AKAP6: variants seen among roughly 807,000 people sequenced by gnomAD.
The protein encoded by AKAP6 is A-kinase anchoring protein 6.
Under a neutral mutation model 188.5 loss-of-function variants are expected in AKAP6, and 58 were observed. The observed-to-expected ratio is 0.31, with a 90% CI of 0.25 to 0.38. The LOEUF (loss-of-function observed/expected upper bound fraction) is 0.38. Among genes scored for constraint, AKAP6 ranks in the 10% least tolerant of loss-of-function variants. AKAP6 has a pLI of 1.00. For missense variants in AKAP6, 2,710 were observed against 2,740.0 expected, an observed-to-expected ratio of 0.99 and a Z score of 0.24; for synonymous variants, 989 against 998.6, an observed-to-expected ratio of 0.99 and a Z score of 0.18.
At chr14:32,497,470 A>C (rs1880378501) in intron 2 of AKAP6, among the ~76,000 whole-genome samples, 1 of 152,134 alleles carries the variant, frequency 6.6e-6, no homozygotes, top group Admixed American at 6.6e-5. Flanking sequence ...CATACTTTTT[A>C]TAAGTTGAAT....
At chr14:32,380,289 C>T (rs1435327016) in intron 1 of AKAP6, among the ~76,000 whole-genome samples, 1 of 152,120 alleles carries the variant, frequency 6.6e-6, no homozygotes, top group Non-Finnish European at 1.5e-5. Context: ...TTTCTGAGTT[C>T]CCACCGGCCC....
intron 2 of AKAP6, among the ~76,000 whole-genome samples, chr14:32,504,994 A>C (rs1880798509): frequency 6.6e-6 from 1 of 152,212 alleles, no homozygotes; most frequent in Admixed American, 6.5e-5. Flanking sequence ...ATTTTGGCTC[A>C]CATTTCATTG....
chr14:32,467,963 C>T (rs187359596), intron 2 of AKAP6, among the ~76,000 whole-genome samples: 2 of 152,104 alleles, frequency 1.3e-5, no homozygotes, highest in African/African-American at 4.8e-5. Flanking sequence ...TAGTCTTTGT[C>T]ATCAAGGGAC....
At chr14:32,779,202 C>T (rs546674483) in intron 12 of AKAP6, among the ~76,000 whole-genome samples, 3 of 151,906 alleles carry the variant, frequency 2.0e-5, no homozygotes, top group South Asian at 2.1e-4. Flanking sequence ...TTGAGACCAG[C>T]CTGGGCAACA....
At chr14:32,507,808 C>T (rs1880957792) in intron 2 of AKAP6, among the ~76,000 whole-genome samples, 1 of 152,186 alleles carries the variant, frequency 6.6e-6, no homozygotes, top group South Asian at 2.1e-4. Context: ...ATGCAAGCAA[C>T]AGCAATGCCA....
chr14:32,462,901 C>CAAAA (rs71143943), intron 2 of AKAP6, among the ~76,000 whole-genome samples: 260 of 8,778 alleles, frequency 0.03, 2 homozygotes, highest in Middle Eastern at 0.2. Context: ...AAATGGAAAG[C>CAAAA]AAAAAAAAAA....
rs150914639 is a variant in AKAP6 at position 32,434,619 on chromosome 14, T to C, written c.324+802T>C. ...CACAAACCCCATGGTAAATTTCTAG[T>C]CAATTAGAAGTAACACTAAGGAAAC... On this transcript the variant is annotated intron_variant, in intron 2 of 13. Transcript: ENST00000280979. Among the ~76,000 whole-genome samples the C allele has an allele frequency of 1.3e-3, 191 of 152,290 alleles. 3 individuals are homozygous for C. Among genetic ancestry groups the C allele is most frequent in the Admixed American group, 9.6e-3 (147 of 15,292 alleles).
At chr14:32,623,900 T>C (rs1018033493) in intron 7 of AKAP6, among the ~76,000 whole-genome samples, 1 of 152,108 alleles carries the variant, frequency 6.6e-6, no homozygotes. Flanking sequence ...CATCATCTGC[T>C]CATGGAAGCA....
intron 7 of AKAP6, among the ~76,000 whole-genome samples, chr14:32,608,991 A>C (rs1400612924): frequency 6.6e-6 from 1 of 152,210 alleles, no homozygotes; most frequent in Non-Finnish European, 1.5e-5. Context: ...GAAAGTGTGA[A>C]ACAATTACCT....
chr14:32,827,403 C>A (rs2034701992), intron 13 of AKAP6, among the ~76,000 whole-genome samples: 1 of 151,358 alleles, frequency 6.6e-6, no homozygotes. Context: ...ATTATAATGC[C>A]ACCCAGAAGA....
intron 4 of AKAP6, among the ~76,000 whole-genome samples, chr14:32,555,201 T>C (rs1883637123): frequency 6.6e-6 from 1 of 152,244 alleles, no homozygotes; most frequent in African/African-American, 2.4e-5. Flanking sequence ...CAATCAAGTA[T>C]GCTCCCAGTT....
intron 12 of AKAP6, among the ~76,000 whole-genome samples, chr14:32,791,225 C>A (rs137902384): frequency 0.031 from 4,689 of 152,266 alleles, 135 homozygotes; most frequent in Admixed American, 0.077. Context: ...CTAATTTACA[C>A]TCCCACCAAC....
At chr14:32,352,443 T>C (rs1254476684) in intron 1 of AKAP6, among the ~76,000 whole-genome samples, 1 of 152,136 alleles carries the variant, frequency 6.6e-6, no homozygotes, top group African/African-American at 2.4e-5. Context: ...CTTCTAGTTA[T>C]TATGAGATAT....
At chr14:32,667,955 G>A (rs1263721945) in intron 7 of AKAP6, among the ~76,000 whole-genome samples, 2 of 152,098 alleles carry the variant, frequency 1.3e-5, no homozygotes, top group Non-Finnish European at 2.9e-5. Flanking sequence ...GGAAGTGCCA[G>A]TTCTACAGGG....
intron 1 of AKAP6, among the ~76,000 whole-genome samples, chr14:32,376,854 G>C (rs1888172790): frequency 6.6e-6 from 1 of 152,064 alleles, no homozygotes; most frequent in African/African-American, 2.4e-5. Context: ...CCACCATCAT[G>C]ACTGACAAAT....
chr14:32,690,480 A>T lies in AKAP6; in HGVS notation c.2880-5510A>T, dbSNP rs143815661. Reference sequence around the variant, plus strand: ...AAACTATGCTGGCCTCACAAGTAATATATTACCATCAAATCTGCAGAAAAA... The same window carrying T: ...AAACTATGCTGGCCTCACAAGTAATTTATTACCATCAAATCTGCAGAAAAA... On this transcript the variant is annotated intron_variant, in intron 8 of 13. Coordinates refer to ENST00000280979, the MANE Select transcript of AKAP6 (RefSeq NM_004274.5). Among the ~76,000 whole-genome samples the T allele has an allele frequency of 4.8e-3, 737 of 152,268 alleles. 18 individuals are homozygous for T. Among genetic ancestry groups the T allele is most frequent in the Admixed American group, 0.044 (669 of 15,288 alleles).
intron 1 of AKAP6, among the ~76,000 whole-genome samples, chr14:32,415,351 C>T (rs1889621932): frequency 6.6e-6 from 1 of 152,020 alleles, no homozygotes; most frequent in Non-Finnish European, 1.5e-5. Context: ...TAGGTTGTAT[C>T]CGGAATTGTT....
In AKAP6 at chr14:32,365,356, C is replaced by T. The variant is rs537726266; in HGVS notation, c.-35+35948C>T. On this transcript the variant is annotated intron_variant, in intron 1 of 13. Transcript: ENST00000280979. ...CACACTGTGTCTTTATGCTGGGTCT[C>T]TCCCTTTTGTACAGCATTGGCAGGA... is the stretch of plus-strand genomic sequence containing the variant. 7.3e-5 allele frequency among the ~76,000 whole-genome samples: 11 copies of T among 149,942 alleles called. No individual in the cohort carries two copies. In the South Asian group the frequency reaches 1.7e-3, roughly 23 times the overall value.
At chr14:32,565,649 ACT>A (rs1465201781) in intron 4 of AKAP6, among the ~76,000 whole-genome samples, 1 of 152,140 alleles carries the variant, frequency 6.6e-6, no homozygotes, top group Non-Finnish European at 1.5e-5. Context: ...ATTCTCTCAC[ACT>A]CTGCATCAAA....
Sources: allele counts gnomAD v4.1 joint callset (sites outside exome capture counted in the v4.1 genomes callset), GRCh38; gene constraint gnomAD v4.1.1; transcripts MANE v1.5; gene names NCBI Gene and HGNC (gene_info 2026-07-23, HGNC 2026-07-21).